Variants in HSPH1 observed in about 807,000 individuals in gnomAD.
The protein encoded by HSPH1 is heat shock protein family H (Hsp110) member 1.
In HSPH1, 40 loss-of-function variants were observed where a neutral mutation model predicts 100.0. The ratio of observed to expected loss-of-function variants is 0.40; its 90% CI spans 0.31 to 0.52. The LOEUF (loss-of-function observed/expected upper bound fraction) is 0.52, where lower values mean the gene tolerates loss of function less well. HSPH1 is among the 20% of genes least tolerant of loss of function. The probability of loss-of-function intolerance (pLI) is 0.54; values close to 1 mark genes in which losing one functional copy is unlikely to be tolerated. For missense variants in HSPH1, 876 were observed against 1,015.1 expected, an observed-to-expected ratio of 0.86 and a Z score of 1.86; for synonymous variants, 403 against 344.0, an observed-to-expected ratio of 1.17 and a Z score of -1.90.
chr13:31,150,918 CTA>C, intron 7 of HSPH1, 27 bp downstream of exon 7: 2 of 1,579,204 alleles, frequency 1.3e-6, no homozygotes, highest in Non-Finnish European at 1.7e-6. Context: ...GAAGTTCCAT[CTA>C]TTTAATCTGT....
At chr13:31,155,371 A>G in intron 3 of HSPH1, 143 bp downstream of exon 3, 1 of 576,988 alleles carries the variant, frequency 1.7e-6, no homozygotes, top group South Asian at 2.6e-5. Context: ...GCGTCTATCT[A>G]CTATACTTTA....
chr13:31,151,767 T>C (rs1225640272), intron 5 of HSPH1, 25 bp from the exon 6 acceptor site: 2 of 1,582,412 alleles, frequency 1.3e-6, no homozygotes, highest in Non-Finnish European at 1.7e-6. Flanking sequence ...TATGTTTCAA[T>C]TCTTTGGTTC....
At chr13:31,152,150 G>C (rs1956510928) in intron 5 of HSPH1, 1 of 154,478 alleles carries the variant, frequency 6.5e-6, no homozygotes, top group Admixed American at 6.5e-5. Flanking sequence ...TTTTAGATCT[G>C]AGCTAAATAG....
chr13:31,140,345 T>C (rs750337368), intron 13 of HSPH1, 36 bp from the exon 14 acceptor site: 3 of 1,589,716 alleles, frequency 1.9e-6, no homozygotes, highest in African/African-American at 2.7e-5. Flanking sequence ...TCCAGTCTTC[T>C]AGTTAACTCA....
chr13:31,143,141 TAA>T (rs367786123), intron 12 of HSPH1, among the ~76,000 whole-genome samples: 231 of 152,134 alleles, frequency 1.5e-3, no homozygotes, highest in African/African-American at 5.3e-3. Context: ...GTACAGAAAA[TAA>T]AGTTCTACAA....
At chr13:31,162,323 T>C, upstream of HSPH1, 1 of 584,078 alleles carries the variant, frequency 1.7e-6, no homozygotes, top group Non-Finnish European at 3.1e-6. Flanking sequence ...GACACCGGGA[T>C]GGTGGGGAGG....
At chr13:31,149,575 C>T (rs1222174119) in intron 8 of HSPH1, among the ~76,000 whole-genome samples, 4 of 152,210 alleles carry the variant, frequency 2.6e-5, no homozygotes, top group Admixed American at 1.3e-4. Flanking sequence ...GTTAATATTT[C>T]TAACACCCTG....
chr13:31,148,128 G>A (rs1956337032), intron 9 of HSPH1, 36 bp from the exon 10 acceptor site: 4 of 1,588,264 alleles, frequency 2.5e-6, no homozygotes, highest in Non-Finnish European at 3.4e-6. Flanking sequence ...AGCAGATGAA[G>A]AACTTAAAAT....
rs1482473196 is a variant in HSPH1 at position 31,161,885 on chromosome 13, CGGCGCT to C, written c.-309_-304del. The C allele has an allele frequency of 6.7e-7, 1 of 1,488,818 alleles. No individual in the cohort carries two copies. The highest frequency in any genetic ancestry group is 8.9e-7 in the Non-Finnish European group (1 of 1,120,894). The allele number at this position is 1,488,818 out of a possible 1,614,324, so 92.2% of individuals were successfully genotyped here. ...TCTGCCGCGGCTCGCACACCGGCGC[CGGCGCT>C]GAACTACCGACCCAAAAGGGGAGGT... On this transcript the variant is annotated 5_prime_UTR_variant, in exon 1 of 18. Transcript: ENST00000320027.
chr13:31,150,566 G>A (rs1479790274), intron 7 of HSPH1, among the ~76,000 whole-genome samples: 1 of 152,106 alleles, frequency 6.6e-6, no homozygotes, highest in African/African-American at 2.4e-5. Flanking sequence ...TGTGACCATA[G>A]GCATGTACCA....
upstream of HSPH1, chr13:31,162,181 T>C (rs1956949414): frequency 1.7e-6 from 2 of 1,183,876 alleles, no homozygotes; most frequent in Non-Finnish European, 2.4e-6. Context: ...GCTGCCCTAA[T>C]AAAACAGGCA....
intron 11 of HSPH1, 58 bp downstream of exon 11, chr13:31,145,505 C>CTA: frequency 1.5e-6 from 2 of 1,345,100 alleles, no homozygotes; most frequent in South Asian, 2.4e-5. Context: ...CCCAATTCTC[C>CTA]TATAGCTTAG....
chr13:31,139,318 G>A, intron 14 of HSPH1: 1 of 505,846 alleles, frequency 2.0e-6, no homozygotes, highest in South Asian at 3.3e-5. Flanking sequence ...ATGAAATGTG[G>A]TTTCTAGAAG....
In HSPH1 at chr13:31,137,219, TA is replaced by T; in HGVS notation, c.*98del. 1 of 814,274 alleles carries T rather than the reference TA, an allele frequency of 1.2e-6. No individual in the cohort carries two copies. The highest frequency in any genetic ancestry group is 2.0e-6 in the Non-Finnish European group (1 of 494,806). The allele number at this position is 814,274 out of a possible 1,614,324, so 50.4% of individuals were successfully genotyped here. A position where few individuals can be genotyped will look rare whatever the true frequency, so the allele number is the denominator to read the frequency against. ...AATACACAAAATTTCTAAATATCCTTAAAAAAGAAAATATAAATAGTTTCAG... is the reference window on the plus strand; with the variant it reads ...AATACACAAAATTTCTAAATATCCTTAAAAAGAAAATATAAATAGTTTCAG... On this transcript the variant is annotated 3_prime_UTR_variant, in exon 18 of 18. Transcript: ENST00000320027.
chr13:31,155,508 T>G lies in HSPH1; in HGVS notation c.306+6A>C. 6.2e-7 allele frequency: 1 copy of G among 1,603,728 alleles called. No homozygotes were observed. The highest frequency in any genetic ancestry group is 8.5e-7 in the Non-Finnish European group (1 of 1,174,970). ...GTATTTTTCTAAGGTTGCTCAATTA[T>G]ATTACCTTTATTCCAACTCCACCAT... On this transcript the variant is annotated splice_donor_region_variant and intron_variant, in intron 3 of 17. Transcript: ENST00000320027.
Position 31,152,941 on chromosome 13 carries a change from A to G in HSPH1, c.440T>C (p.Phe147Ser), listed in dbSNP as rs369658079. 3.7e-6 allele frequency: 6 copies of G among 1,610,758 alleles called. No homozygotes were observed. Among genetic ancestry groups the G allele is most frequent in the East Asian group, 2.2e-5 (1 of 44,820 alleles). ...VTDCVISVPS[F>S]FTDAERRSVL... ...AGATCGCCTCTCAGCATCTGTAAAG[A>G]AGGAGGGGACCTACAAACAAACAAA... is the stretch of plus-strand genomic sequence containing the variant. The change falls in exon 5 of 18, where the codon TTC (phenylalanine) becomes TCC (serine). Residue 147 changes from phenylalanine to serine, a missense_variant. By Grantham distance (155) the Phe-to-Ser change is radical. Transcript: ENST00000320027.
chr13:31,160,634 A>G (rs1337823673), intron 1 of HSPH1, among the ~76,000 whole-genome samples: 2 of 152,128 alleles, frequency 1.3e-5, no homozygotes, highest in Non-Finnish European at 1.5e-5. Flanking sequence ...TGCCCACCCT[A>G]TGCTCCTATA....
In HSPH1 at chr13:31,161,710, C is replaced by CT; in HGVS notation, c.-129dup. On this transcript the variant is annotated 5_prime_UTR_variant, in exon 1 of 18. Transcript: ENST00000320027. ...CGGCCCGCGGGGTCTGGCCGTTCCT[C>CT]TGACACTCAGAAGGACACACAGACA... 1 of 1,537,144 alleles carries CT rather than the reference C, an allele frequency of 6.5e-7. No individual in the cohort carries two copies. The highest frequency in any genetic ancestry group is 8.7e-7 in the Non-Finnish European group (1 of 1,147,746).
intron 7 of HSPH1, 45 bp downstream of exon 7, chr13:31,150,902 T>G (rs1956463223): frequency 6.4e-7 from 1 of 1,562,338 alleles, no homozygotes; most frequent in East Asian, 2.3e-5. Context: ...GGCTACAGTT[T>G]CAAAAGAAGT....
Sources: allele counts gnomAD v4.1 joint callset (sites outside exome capture counted in the v4.1 genomes callset), GRCh38; gene constraint gnomAD v4.1.1; transcripts MANE v1.5; gene names NCBI Gene and HGNC (gene_info 2026-07-23, HGNC 2026-07-21).